The following PRKX variants were observed in gnomAD, a reference collection of about 807,000 sequenced individuals.
PRKX encodes the protein cAMP-dependent protein kinase catalytic subunit PRKX.
In PRKX, 12 loss-of-function variants were observed where a neutral mutation model predicts 22.0. The ratio of observed to expected loss-of-function variants is 0.54; its 90% CI spans 0.35 to 0.88. PRKX has a LOEUF of 0.88. PRKX is among the 40% of genes least tolerant of loss of function. The pLI, the probability that PRKX is intolerant of heterozygous loss-of-function variation, is 0.01. For missense variants in PRKX, 217 were observed against 308.0 expected (o/e 0.70, Z 2.21); for synonymous variants, 134 against 137.7 (o/e 0.97, Z 0.19).
intron 3 of PRKX, among the ~76,000 whole-genome samples, chrX:3,648,994 G>A (rs1389457579): frequency 9.0e-6 from 1 of 111,533 alleles, no homozygotes; most frequent in Non-Finnish European, 1.9e-5. Context: ...AAAAAGAGCT[G>A]TTGCAGAGAA....
chrX:3,689,540 G>A (rs1259308113), intron 1 of PRKX, among the ~76,000 whole-genome samples: 3 of 111,479 alleles, frequency 2.7e-5, no homozygotes, highest in Non-Finnish European at 5.7e-5. Context: ...TTAGCAGGGC[G>A]TGGTGGTTAC....
rs745352211 is a variant in PRKX at position 3,694,735 on chromosome X, A to G, written c.166+18353T>C. On this transcript the variant is annotated intron_variant, in intron 1 of 8. Transcript: ENST00000262848. ...GGATCTTGAGATGAGATCGCGCTGG[A>G]AAAGGGTGGGCCCTAAATCCAATGA... 2.7e-5 allele frequency among the ~76,000 whole-genome samples: 3 copies of G among 111,958 alleles called. No homozygotes were observed. The South Asian group carries it at 1.1e-3, about 42-fold the overall frequency.
intron 4 of PRKX, among the ~76,000 whole-genome samples, chrX:3,635,554 G>A (rs1926870333): frequency 9.0e-6 from 1 of 110,849 alleles, no homozygotes; most frequent in Non-Finnish European, 1.9e-5. Context: ...TGTCTTGTGT[G>A]TCCCTGTGTT....
chrX:3,619,456 T>C (rs189805020), intron 6 of PRKX, among the ~76,000 whole-genome samples: 1 of 112,243 alleles, frequency 8.9e-6, no homozygotes, highest in East Asian at 2.8e-4. Flanking sequence ...ATAGGGTCTT[T>C]GTAAATGTAA....
intron 2 of PRKX, among the ~76,000 whole-genome samples, chrX:3,673,477 C>A (rs193292266): frequency 9.1e-6 from 1 of 110,356 alleles, no homozygotes; most frequent in Admixed American, 9.7e-5. Context: ...ACCAGTGAGG[C>A]TATAAAGTGA....
chrX:3,612,235 G>A lies in PRKX; in HGVS notation c.1042C>T (p.Pro348Ser), dbSNP rs1926311450. 8.3e-7 allele frequency: 1 copy of A among 1,206,906 alleles called. No homozygotes were observed. The highest frequency in any genetic ancestry group is 1.1e-6 in the Non-Finnish European group (1 of 894,116). The change falls in exon 8 of 9, where the codon CCG becomes TCG. Residue 348 changes from proline to serine, a missense_variant. Pro to Ser is a moderately conservative substitution (Grantham distance 74). Transcript: ENST00000262848. The part of the protein sequence containing the change: ...ENDWDTAAPV[P>S]QKDLEIFKNF ...TTGAAGATTTCTAAATCCTTCTGCGGCACGGGCGCGGCTGTGTCCCAGTCA... is the reference window on the plus strand; with the variant it reads ...TTGAAGATTTCTAAATCCTTCTGCGACACGGGCGCGGCTGTGTCCCAGTCA...
intron 1 of PRKX, among the ~76,000 whole-genome samples, chrX:3,708,985 C>G (rs1209041386): frequency 9.1e-6 from 1 of 109,912 alleles, no homozygotes; most frequent in Admixed American, 9.8e-5. Flanking sequence ...TACACACACA[C>G]TCGCAAACAC....
rs1926223353 is a variant in PRKX at position 3,608,285 on chromosome X, T to C, written c.*684A>G. On this transcript the variant is annotated 3_prime_UTR_variant, in exon 9 of 9. Transcript: ENST00000262848. ...GATTCTTGGAATAAATTCGCTCCCA[T>C]ATCTTCCCCTCTTTGTTTCTTCTTT... 9.1e-6 allele frequency: 1 copy of C among 110,336 alleles called. No homozygotes were observed. Among genetic ancestry groups the C allele is most frequent in the Non-Finnish European group, 1.9e-5 (1 of 52,903 alleles). The allele number at this position is 110,336 out of a possible 1,213,427, so 9.1% of individuals were successfully genotyped here.
intron 2 of PRKX, among the ~76,000 whole-genome samples, chrX:3,665,434 A>C (rs138130383): frequency 0.012 from 1,344 of 110,693 alleles, 20 homozygotes; most frequent in African/African-American, 0.04. Context: ...CAAGATCACA[A>C]CACTGCACTC....
chrX:3,662,478 G>A (rs1034223601), intron 2 of PRKX, among the ~76,000 whole-genome samples: 1 of 109,953 alleles, frequency 9.1e-6, no homozygotes, highest in Non-Finnish European at 1.9e-5. Context: ...GGTGGATCAC[G>A]AGGTCAGGAG....
chrX:3,689,170 G>A (rs1392492200), intron 1 of PRKX, among the ~76,000 whole-genome samples: 4 of 112,467 alleles, frequency 3.6e-5, no homozygotes, highest in Admixed American at 9.5e-5. Flanking sequence ...ATATCAGAAC[G>A]TACACATTTA....
chrX:3,711,636 G>T, intron 1 of PRKX, among the ~76,000 whole-genome samples: 1 of 111,751 alleles, frequency 8.9e-6, no homozygotes, highest in East Asian at 2.8e-4. Flanking sequence ...CTACTGTGGC[G>T]GCTGCGCCAG....
chrX:3,685,716 C>G (rs1376936259), intron 1 of PRKX, among the ~76,000 whole-genome samples: 1 of 109,112 alleles, frequency 9.2e-6, no homozygotes, highest in Admixed American at 9.9e-5. Context: ...CCCGCCTCCC[C>G]CAAGATAGGC....
chrX:3,713,261 C>T lies in PRKX; in HGVS notation c.-8G>A, dbSNP rs1221819807. On this transcript the variant is annotated 5_prime_UTR_variant, in exon 1 of 9. Coordinates refer to ENST00000262848, the MANE Select transcript of PRKX (RefSeq NM_005044.5). ...CAGCCCGGGCGCCTCCATGGGGACG[C>T]ACTCAGGTCCGGGGCACCGGGCCAG... 8.8e-6 allele frequency: 9 copies of T among 1,025,643 alleles called. No homozygotes were observed. The highest frequency in any genetic ancestry group is 1.1e-5 in the Non-Finnish European group (9 of 813,957). 84.5% of individuals were successfully genotyped at this position (1,025,643 alleles called of 1,213,427 possible).
At chrX:3,629,808 C>A (rs1484992873) in intron 4 of PRKX, among the ~76,000 whole-genome samples, 1 of 111,377 alleles carries the variant, frequency 9.0e-6, no homozygotes, top group Non-Finnish European at 1.9e-5. Flanking sequence ...TGTGTGCCAC[C>A]ATGTCTGGCT....
intron 3 of PRKX, among the ~76,000 whole-genome samples, chrX:3,654,019 ATT>A (rs769933541): frequency 3.7e-5 from 3 of 81,973 alleles, no homozygotes; most frequent in Non-Finnish European, 6.4e-5. Flanking sequence ...TACTATATAT[ATT>A]ATATACTATG....
At chrX:3,712,664 T>A (rs933724229) in intron 1 of PRKX, among the ~76,000 whole-genome samples, 3 of 112,336 alleles carry the variant, frequency 2.7e-5, no homozygotes, top group African/African-American at 9.7e-5. Context: ...ACAGGGAGGC[T>A]GGCCTAGGGG....
intron 6 of PRKX, among the ~76,000 whole-genome samples, chrX:3,617,146 A>G (rs772847062): frequency 1.5e-5 from 1 of 68,643 alleles, no homozygotes; most frequent in Admixed American, 1.4e-4. Context: ...TTATATATAC[A>G]CATACTTATA....
rs1359806448 is a variant in PRKX, at chrX:3,605,634, A to G, written c.*3335T>C. On this transcript the variant is annotated 3_prime_UTR_variant, in exon 9 of 9. Coordinates refer to ENST00000262848, the MANE Select transcript of PRKX (RefSeq NM_005044.5). ...TTTTAATGGACAGTGATTTCAAATG[A>G]TTTGGTGTTTTTGTTCTTGTTTTTG... 2 of 112,087 alleles carry G rather than the reference A, an allele frequency of 1.8e-5. No homozygotes were observed. The highest frequency in any genetic ancestry group is 3.8e-5 in the Non-Finnish European group (2 of 53,239). The allele number at this position is 112,087 out of a possible 1,213,427, so 9.2% of individuals were successfully genotyped here. A position where few individuals can be genotyped will look rare whatever the true frequency, so the allele number is the denominator to read the frequency against.
Sources: allele counts gnomAD v4.1 joint callset (sites outside exome capture counted in the v4.1 genomes callset), GRCh38; gene constraint gnomAD v4.1.1; transcripts MANE v1.5; gene names NCBI Gene and HGNC (gene_info 2026-07-23, HGNC 2026-07-21).